Variants in NCKAP5L observed in about 807,000 individuals in gnomAD.
The protein encoded by NCKAP5L is NCK associated protein 5 like.
Under a neutral mutation model 103.2 loss-of-function variants are expected in NCKAP5L, and 54 were observed. The ratio of observed to expected loss-of-function variants is 0.52; its 90% CI spans 0.42 to 0.66. The LOEUF (loss-of-function observed/expected upper bound fraction) is 0.66, where lower values mean the gene tolerates loss of function less well. Ranked by LOEUF, NCKAP5L falls within the 30% of genes least tolerant of loss-of-function variation. The probability of loss-of-function intolerance (pLI) is 0.00; values close to 1 mark genes in which losing one functional copy is unlikely to be tolerated. For synonymous variants in NCKAP5L, 762 were observed against 748.6 expected (o/e 1.02, Z -0.29); for missense variants, 1,733 against 1,750.6 (o/e 0.99, Z 0.18).
intron 1 of NCKAP5L, among the ~76,000 whole-genome samples, chr12:49,824,565 T>C (rs896276186): frequency 1.3e-5 from 2 of 152,224 alleles, no homozygotes; most frequent in Non-Finnish European, 2.9e-5. Flanking sequence ...CAGAGGACGG[T>C]GGGCAAAGCA....
At chr12:49,803,637 G>A (rs1256693256) in intron 3 of NCKAP5L, among the ~76,000 whole-genome samples, 1 of 152,152 alleles carries the variant, frequency 6.6e-6, no homozygotes, top group Non-Finnish European at 1.5e-5. Context: ...AGAGCCTGCA[G>A]AGGCATGAGA....
chr12:49,809,228 T>A (rs1170429880), intron 1 of NCKAP5L, among the ~76,000 whole-genome samples: 1 of 152,128 alleles, frequency 6.6e-6, no homozygotes, highest in African/African-American at 2.4e-5. Context: ...GATCTTACTG[T>A]CCTGGCCTTT....
intron 3 of NCKAP5L, 37 bp downstream of exon 3, chr12:49,803,885 G>T (rs766198680): frequency 6.3e-7 from 1 of 1,594,950 alleles, no homozygotes; most frequent in East Asian, 2.2e-5. Flanking sequence ...CAGGGCTCTG[G>T]CTGGCACTGC....
intron 6 of NCKAP5L, 30 bp from the exon 7 acceptor site, chr12:49,798,493 T>C (rs1258609350): frequency 1.3e-6 from 2 of 1,526,726 alleles, no homozygotes; most frequent in African/African-American, 2.7e-5. Flanking sequence ...GTTAGCACAG[T>C]AGCTGTCTGA....
In NCKAP5L at chr12:49,795,915, AC is replaced by A; in HGVS notation, c.1944del (p.Ser649GlnfsTer23). 6.5e-7 allele frequency: 1 copy of A among 1,528,118 alleles called. No individual in the cohort carries two copies. The highest frequency in any genetic ancestry group is 8.7e-7 in the Non-Finnish European group (1 of 1,144,786). 94.7% of individuals were successfully genotyped at this position (1,528,118 alleles called of 1,614,324 possible). On this transcript the variant is annotated frameshift_variant, in exon 8 of 13. Coordinates refer to ENST00000335999, the MANE Select transcript of NCKAP5L (RefSeq NM_001037806.4). LOFTEE classifies it high-confidence loss of function. ...CCAGGATCCCCAGGTCGCCGTCCTG[AC>A]CCCTGGCTGGGCTTCTTGGATGAGT... is the stretch of plus-strand genomic sequence containing the variant. ...PGNSSKKPSQ[G>X]SGRRPGDPGS...
chr12:49,807,114 C>G (rs1403851867), intron 1 of NCKAP5L, among the ~76,000 whole-genome samples: 1 of 152,210 alleles, frequency 6.6e-6, no homozygotes, highest in Middle Eastern at 3.2e-3. Context: ...GAGGCCTCCT[C>G]TCCAACTCCT....
intron 1 of NCKAP5L, among the ~76,000 whole-genome samples, chr12:49,807,276 C>T (rs1007805670): frequency 7.6e-5 from 11 of 143,982 alleles, no homozygotes; most frequent in Admixed American, 1.5e-4. Context: ...TGTGTGTGTA[C>T]ACAACAGTGG....
In NCKAP5L at chr12:49,795,907, C is replaced by A; in HGVS notation, c.1953G>T (p.Arg651=). ...SSKKPSQGSG[R]RPGDPGSTPL... ...GTGTGCTGCCAGGATCCCCAGGTCG[C>A]CGTCCTGACCCCTGGCTGGGCTTCT... The change falls in exon 8 of 13, where the codon CGG becomes CGT. Residue 651 remains arginine, a synonymous_variant. Coordinates refer to ENST00000335999, the MANE Select transcript of NCKAP5L (RefSeq NM_001037806.4). The A allele has an allele frequency of 6.5e-7, 1 of 1,527,824 alleles. No individual in the cohort carries two copies. The highest frequency in any genetic ancestry group is 2.3e-5 in the Admixed American group (1 of 42,656). 94.6% of individuals were successfully genotyped at this position (1,527,824 alleles called of 1,614,324 possible).
intron 5 of NCKAP5L, chr12:49,802,258 T>C (rs1946128455): frequency 4.4e-6 from 1 of 227,460 alleles, no homozygotes; most frequent in East Asian, 9.6e-5. Context: ...TCTTTTTTTC[T>C]TTTTTTTTTG....
intron 5 of NCKAP5L, chr12:49,802,688 A>G: frequency 1.9e-6 from 1 of 527,166 alleles, no homozygotes; most frequent in Non-Finnish European, 3.4e-6. Flanking sequence ...CACAACATCA[A>G]CACTGCTTTA....
At chr12:49,813,194 T>C (rs59766494) in intron 1 of NCKAP5L, among the ~76,000 whole-genome samples, 56,537 of 152,022 alleles carry the variant, frequency 0.37, 10,829 homozygotes, top group South Asian at 0.46. Context: ...TATATAATAA[T>C]TGCAGGTTTA....
intron 1 of NCKAP5L, among the ~76,000 whole-genome samples, chr12:49,824,042 AG>A (rs1347180651): frequency 1.3e-5 from 2 of 152,208 alleles, no homozygotes; most frequent in Non-Finnish European, 2.9e-5. Flanking sequence ...TGCTGAAGAC[AG>A]GGGTACTCGT....
At chr12:49,804,158 A>T (rs1042963576) in intron 2 of NCKAP5L, 78 bp from the exon 3 acceptor site, 1 of 1,410,146 alleles carries the variant, frequency 7.1e-7, no homozygotes, top group African/African-American at 1.4e-5. Context: ...AGCTTAGGTC[A>T]GTGTGACCTA....
intron 1 of NCKAP5L, among the ~76,000 whole-genome samples, chr12:49,820,227 T>C (rs1306048491): frequency 6.6e-6 from 1 of 151,508 alleles, no homozygotes; most frequent in Non-Finnish European, 1.5e-5. Context: ...CAATAGGGCC[T>C]GGGAGGCTGC....
chr12:49,791,736 G>A lies in NCKAP5L; in HGVS notation c.*103C>T, dbSNP rs1945937244. 2 of 1,018,828 alleles carry A rather than the reference G, an allele frequency of 2.0e-6. No homozygotes were observed. The highest frequency in any genetic ancestry group is 2.7e-4 in the Middle Eastern group (1 of 3,676). 63.1% of individuals were successfully genotyped at this position (1,018,828 alleles called of 1,614,324 possible). On this transcript the variant is annotated 3_prime_UTR_variant, in exon 13 of 13. Coordinates refer to ENST00000335999, the MANE Select transcript of NCKAP5L (RefSeq NM_001037806.4). ...ACCTTCTTATCCACCTGCCTCCTTGGTCCCTTCAGGGAGGGGTCCCCGTCT... is the reference window on the plus strand; with the variant it reads ...ACCTTCTTATCCACCTGCCTCCTTGATCCCTTCAGGGAGGGGTCCCCGTCT...
intron 6 of NCKAP5L, among the ~76,000 whole-genome samples, chr12:49,801,015 C>T (rs1468494391): frequency 1.3e-5 from 2 of 152,260 alleles, no homozygotes; most frequent in South Asian, 2.1e-4. Flanking sequence ...GCCAACCTGG[C>T]GAGACGGGGG....
intron 1 of NCKAP5L, among the ~76,000 whole-genome samples, chr12:49,822,636 T>A (rs1946373828): frequency 6.6e-6 from 1 of 151,010 alleles, no homozygotes; most frequent in Non-Finnish European, 1.5e-5. Context: ...AACCTCTGCC[T>A]CCTGGGTTCA....
intron 1 of NCKAP5L, among the ~76,000 whole-genome samples, chr12:49,821,596 C>T (rs1349540570): frequency 6.6e-6 from 1 of 152,242 alleles, no homozygotes; most frequent in Non-Finnish European, 1.5e-5. Flanking sequence ...ACGGGCCACC[C>T]CCAACACTAG....
chr12:49,802,711 A>G (rs1412298175), intron 5 of NCKAP5L: 1 of 566,640 alleles, frequency 1.8e-6, no homozygotes, highest in East Asian at 2.8e-5. Context: ...GGCTATCACA[A>G]CCTGGAAAAG....
Sources: allele counts gnomAD v4.1 joint callset (sites outside exome capture counted in the v4.1 genomes callset), GRCh38; gene constraint gnomAD v4.1.1; transcripts MANE v1.5; gene names NCBI Gene and HGNC (gene_info 2026-07-23, HGNC 2026-07-21).